Variants in SLC1A2 observed in about 807,000 individuals in gnomAD.
The protein encoded by SLC1A2 is excitatory amino acid transporter 2.
Under a neutral mutation model 48.8 loss-of-function variants are expected in SLC1A2, and 15 were observed. That is an observed-to-expected ratio of 0.31 (90% CI 0.21 to 0.47). SLC1A2 has a LOEUF of 0.47. SLC1A2 is among the 20% of genes least tolerant of loss of function. SLC1A2 has a pLI of 0.99. For synonymous variants in SLC1A2, 279 were observed against 272.6 expected, an observed-to-expected ratio of 1.02 and a Z score of -0.23; for missense variants, 502 against 730.5, an observed-to-expected ratio of 0.69 and a Z score of 3.61.
At chr11:35,261,274 A>G (rs1591397475) in intron 10 of SLC1A2, among the ~76,000 whole-genome samples, 1 of 152,232 alleles carries the variant, frequency 6.6e-6, no homozygotes, top group African/African-American at 2.4e-5. Flanking sequence ...ACACAATAAC[A>G]CAGTCCTTAA....
At chr11:35,267,680 C>T (rs1220873290) in intron 9 of SLC1A2, among the ~76,000 whole-genome samples, 1 of 152,032 alleles carries the variant, frequency 6.6e-6, no homozygotes, top group Non-Finnish European at 1.5e-5. Flanking sequence ...AGCTACTCCA[C>T]TATACTTTCA....
rs546004230 is a variant in SLC1A2, at chr11:35,359,399, G to T, written c.18-41883C>A. Among the ~76,000 whole-genome samples, 6 of 152,318 alleles carry T rather than the reference G, an allele frequency of 3.9e-5. No individual in the cohort carries two copies. The South Asian group carries it at 1.2e-3, about 32-fold the overall frequency. ...AGCTTTTCCAAGTCACCACTTACCT[G>T]CTATACTGCAGAGAAAAAGCTGTCA... On this transcript the variant is annotated intron_variant, in intron 1 of 10. Coordinates refer to ENST00000278379, the MANE Select transcript of SLC1A2 (RefSeq NM_004171.4).
chr11:35,286,177 T>TA (rs1850813059), intron 8 of SLC1A2: 1 of 152,200 alleles, frequency 6.6e-6, no homozygotes, highest in South Asian at 2.1e-4. Flanking sequence ...TACATTTAAA[T>TA]AAAAATAGCT....
chr11:35,329,142 A>C (rs1221774048), intron 1 of SLC1A2, among the ~76,000 whole-genome samples: 1 of 152,242 alleles, frequency 6.6e-6, no homozygotes, highest in Non-Finnish European at 1.5e-5. Flanking sequence ...GGGAGAAGCC[A>C]ATTTGAAAAG....
rs1190127789 is a variant in SLC1A2 at position 35,254,565 on chromosome 11, G to T, written c.*6329C>A. The T allele has an allele frequency of 1.7e-5, 5 of 296,448 alleles. No individual in the cohort carries two copies. Among genetic ancestry groups the T allele is most frequent in the African/African-American group, 1.1e-4 (5 of 44,654 alleles). The allele number at this position is 296,448 out of a possible 1,614,324, so 18.4% of individuals were successfully genotyped here. ...CAGGCTGTTTCCAGGCAGGCAAAAT[G>T]GTTGCCATGAGAAGAAACAGTGCCC... On this transcript the variant is annotated 3_prime_UTR_variant, in exon 11 of 11. Transcript: ENST00000278379.
intron 1 of SLC1A2, among the ~76,000 whole-genome samples, chr11:35,347,054 A>T (rs980173271): frequency 1.3e-5 from 2 of 152,244 alleles, no homozygotes; most frequent in South Asian, 4.1e-4. Flanking sequence ...TTGACAGTTA[A>T]CTACTTTAAA....
At chr11:35,266,602 C>T in intron 9 of SLC1A2, among the ~76,000 whole-genome samples, 1 of 152,134 alleles carries the variant, frequency 6.6e-6, no homozygotes, top group Non-Finnish European at 1.5e-5. Flanking sequence ...GTTTTCTCCT[C>T]TCATCCATAA....
chr11:35,303,113 C>T (rs3794089), intron 5 of SLC1A2, among the ~76,000 whole-genome samples: 51,632 of 151,292 alleles, frequency 0.34, 9,939 homozygotes, highest in South Asian at 0.56. Flanking sequence ...TCCAGTTATG[C>T]CTAAAGTCTT....
At chr11:35,356,002 T>G (rs1394133912) in intron 1 of SLC1A2, among the ~76,000 whole-genome samples, 2 of 152,192 alleles carry the variant, frequency 1.3e-5, no homozygotes, top group Non-Finnish European at 2.9e-5. Context: ...ACACTGTCCA[T>G]TACAGAGCTG....
Position 35,380,779 on chromosome 11 carries a change from G to T in SLC1A2, c.17+38171C>A, listed in dbSNP as rs549466420. On this transcript the variant is annotated intron_variant, in intron 1 of 10. Coordinates refer to ENST00000278379, the MANE Select transcript of SLC1A2 (RefSeq NM_004171.4). ...TGCACGGGCAGTGCCTCAGTGCTTC[G>T]CTGTTTGTTTTGAGTGCCTCTGGGT... Among the ~76,000 whole-genome samples, 7 of 152,316 alleles carry T rather than the reference G, an allele frequency of 4.6e-5. No homozygotes were observed. The South Asian group carries it at 1.5e-3, about 32-fold the overall frequency.
chr11:35,265,985 T>A (rs193283700), intron 9 of SLC1A2, among the ~76,000 whole-genome samples: 43 of 152,280 alleles, frequency 2.8e-4, no homozygotes, highest in Admixed American at 1.2e-3. Context: ...TTCAGTGAGA[T>A]AACGTATGTA....
At chr11:35,393,000 G>A (rs1923305) in intron 1 of SLC1A2, among the ~76,000 whole-genome samples, 2 of 151,930 alleles carry the variant, frequency 1.3e-5, no homozygotes, top group African/African-American at 4.8e-5. Context: ...CGTTACAACC[G>A]TCCAAGATAG....
At chr11:35,278,717 C>A (rs546082977) in intron 9 of SLC1A2, among the ~76,000 whole-genome samples, 1 of 152,200 alleles carries the variant, frequency 6.6e-6, no homozygotes, top group South Asian at 2.1e-4. Flanking sequence ...AGACTCAAGT[C>A]CACAAAATGT....
intron 6 of SLC1A2, among the ~76,000 whole-genome samples, chr11:35,295,794 A>C (rs1449610661): frequency 3.3e-5 from 5 of 152,184 alleles, no homozygotes; most frequent in Non-Finnish European, 5.9e-5. Context: ...TTGCCAGCCT[A>C]AGATGCCCCT....
At chr11:35,365,612 C>CAA (rs34788307) in intron 1 of SLC1A2, among the ~76,000 whole-genome samples, 120,286 of 151,940 alleles carry the variant, frequency 0.79, 48,275 homozygotes, top group East Asian at 0.95. Context: ...TCTGTCTCTG[C>CAA]AGACTTCCCT....
At chr11:35,285,523 A>T (rs1277181892) in intron 8 of SLC1A2, 1 of 152,226 alleles carries the variant, frequency 6.6e-6, no homozygotes, top group African/African-American at 2.4e-5. Flanking sequence ...CTACAAGTAC[A>T]TCTGTCACAC....
At chr11:35,380,268 T>C in intron 1 of SLC1A2, 1 of 397,996 alleles carries the variant, frequency 2.5e-6, no homozygotes, top group Admixed American at 4.4e-5. Flanking sequence ...AAGAACACCC[T>C]GATGCTCTGG....
In SLC1A2 at chr11:35,252,434, C is replaced by G. The variant is rs1350498363; in HGVS notation, c.*8460G>C. Reference sequence around the variant, plus strand: ...GTTCTCATTCTAAACCTACCTAAGTCTAGGTAATCAAAAGTTCCACAGTTG... The same window carrying G: ...GTTCTCATTCTAAACCTACCTAAGTGTAGGTAATCAAAAGTTCCACAGTTG... On this transcript the variant is annotated 3_prime_UTR_variant, in exon 11 of 11. Coordinates refer to ENST00000278379, the MANE Select transcript of SLC1A2 (RefSeq NM_004171.4). The G allele has an allele frequency of 6.6e-6, 1 of 152,154 alleles. No homozygotes were observed. The highest frequency in any genetic ancestry group is 2.4e-5 in the African/African-American group (1 of 41,432). The allele number at this position is 152,154 out of a possible 1,614,324, so 9.4% of individuals were successfully genotyped here. A position where few individuals can be genotyped will look rare whatever the true frequency, so the allele number is the denominator to read the frequency against.
intron 1 of SLC1A2, among the ~76,000 whole-genome samples, chr11:35,376,858 G>A (rs1003546792): frequency 3.3e-5 from 5 of 152,074 alleles, no homozygotes; most frequent in Admixed American, 1.3e-4. Flanking sequence ...CCTCAATGTC[G>A]CTATTCGACA....
Sources: allele counts gnomAD v4.1 joint callset (sites outside exome capture counted in the v4.1 genomes callset), GRCh38; gene constraint gnomAD v4.1.1; transcripts MANE v1.5; gene names NCBI Gene and HGNC (gene_info 2026-07-23, HGNC 2026-07-21).